Variants in CPEB3 observed in about 807,000 individuals in gnomAD.
The protein encoded by CPEB3 is cytoplasmic polyadenylation element-binding protein 3.
In CPEB3, 20 loss-of-function variants were observed where a neutral mutation model predicts 67.2. The ratio of observed to expected loss-of-function variants is 0.30; its 90% CI spans 0.21 to 0.43. CPEB3 has a LOEUF of 0.43. Ranked by LOEUF, CPEB3 falls within the 20% of genes least tolerant of loss-of-function variation. CPEB3 has a pLI of 1.00. For missense variants in CPEB3, 746 were observed against 968.6 expected, an observed-to-expected ratio of 0.77 and a Z score of 3.05; for synonymous variants, 376 against 393.1, an observed-to-expected ratio of 0.96 and a Z score of 0.51.
chr10:92,261,128 G>A (rs1442708013), intron 1 of CPEB3, among the ~76,000 whole-genome samples: 1 of 152,088 alleles, frequency 6.6e-6, no homozygotes, highest in African/African-American at 2.4e-5. Context: ...TGTCTACACA[G>A]GTAGCCCTTG....
At chr10:92,211,646 C>T (rs888524614) in intron 2 of CPEB3, among the ~76,000 whole-genome samples, 5 of 151,282 alleles carry the variant, frequency 3.3e-5, no homozygotes, top group Admixed American at 6.6e-5. Context: ...AAGCAATTCT[C>T]CTGCCTCAGC....
chr10:92,162,824 C>T (rs1343077819), intron 4 of CPEB3, among the ~76,000 whole-genome samples: 1 of 152,126 alleles, frequency 6.6e-6, no homozygotes, highest in Non-Finnish European at 1.5e-5. Flanking sequence ...AAGGGAAGGG[C>T]ATGTTATGCT....
intron 4 of CPEB3, among the ~76,000 whole-genome samples, chr10:92,168,520 T>C (rs1317426904): frequency 6.6e-6 from 1 of 152,182 alleles, no homozygotes; most frequent in Non-Finnish European, 1.5e-5. Flanking sequence ...TGAATTGTAG[T>C]TCCCATAATC....
chr10:92,215,196 G>A (rs1343321816), intron 2 of CPEB3, among the ~76,000 whole-genome samples: 4 of 147,212 alleles, frequency 2.7e-5, no homozygotes, highest in African/African-American at 5.0e-5. Flanking sequence ...TCTGTTGCCC[G>A]GGCTAGAGTG....
At chr10:92,289,900 T>C (rs1842761079) in intron 1 of CPEB3, among the ~76,000 whole-genome samples, 1 of 129,210 alleles carries the variant, frequency 7.7e-6, no homozygotes. Flanking sequence ...TTTCTTTCCC[T>C]AGGAGGAGTG....
At chr10:92,134,588 C>T (rs891997403) in intron 6 of CPEB3, among the ~76,000 whole-genome samples, 3 of 151,892 alleles carry the variant, frequency 2.0e-5, no homozygotes, top group Non-Finnish European at 4.4e-5. Flanking sequence ...GCCATACTGC[C>T]CAAGGTAATT....
intron 1 of CPEB3, among the ~76,000 whole-genome samples, chr10:92,252,831 G>A (rs1034805597): frequency 1.3e-5 from 2 of 151,952 alleles, no homozygotes; most frequent in African/African-American, 4.8e-5. Flanking sequence ...GACTCCAACT[G>A]TATAAAACAG....
intron 6 of CPEB3, among the ~76,000 whole-genome samples, chr10:92,132,623 A>T (rs1845896587): frequency 6.6e-6 from 1 of 152,196 alleles, no homozygotes; most frequent in African/African-American, 2.4e-5. Context: ...AAGAAGGTTA[A>T]CAAGGATATC....
intron 2 of CPEB3, among the ~76,000 whole-genome samples, chr10:92,231,320 A>G (rs917789403): frequency 6.6e-6 from 1 of 152,182 alleles, no homozygotes; most frequent in African/African-American, 2.4e-5. Context: ...ACTGAATATC[A>G]ACAATATTTC....
chr10:92,284,906 A>C (rs989726232), intron 1 of CPEB3, among the ~76,000 whole-genome samples: 7 of 152,250 alleles, frequency 4.6e-5, no homozygotes, highest in Non-Finnish European at 1.0e-4. Flanking sequence ...CGATTTAACC[A>C]GTTGTCTTCG....
At chr10:92,149,481 T>C (rs2133873809) in intron 4 of CPEB3, among the ~76,000 whole-genome samples, 1 of 152,296 alleles carries the variant, frequency 6.6e-6, no homozygotes, top group Middle Eastern at 3.4e-3. Context: ...TGGAAGACAT[T>C]CTGGCACAAA....
chr10:92,136,593 C>A (rs1846108100), intron 6 of CPEB3, among the ~76,000 whole-genome samples: 1 of 152,104 alleles, frequency 6.6e-6, no homozygotes, highest in African/African-American at 2.4e-5. Flanking sequence ...CGGAGTCTTG[C>A]TCTGTCACCC....
rs376700500 is a variant in CPEB3, at chr10:92,272,906, T to C, written c.-12+18020A>G. 7.2e-5 allele frequency among the ~76,000 whole-genome samples: 11 copies of C among 152,224 alleles called. No homozygotes were observed. In the South Asian group the frequency reaches 1.2e-3, roughly 17 times the overall value. Reference sequence around the variant, plus strand: ...GAGCAGAGTGGACTGGAGAGGCCAATTGCCAAATCAGTCGGAAAGAGGTGA... The same window carrying C: ...GAGCAGAGTGGACTGGAGAGGCCAACTGCCAAATCAGTCGGAAAGAGGTGA... On this transcript the variant is annotated intron_variant, in intron 1 of 9. Coordinates refer to ENST00000265997, the MANE Select transcript of CPEB3 (RefSeq NM_014912.5).
chr10:92,137,370 C>T (rs986553809), intron 6 of CPEB3: 1 of 1,090,292 alleles, frequency 9.2e-7, no homozygotes, highest in African/African-American at 1.6e-5. Flanking sequence ...ACCTGTCTCC[C>T]AAATACATCA....
rs545015552 is a variant in CPEB3, at chr10:92,113,750, G to A, written c.1454-2556C>T. Among the ~76,000 whole-genome samples the A allele has an allele frequency of 5.9e-5, 9 of 152,250 alleles. No individual in the cohort carries two copies. In the East Asian group the frequency reaches 1.3e-3, roughly 23 times the overall value. ...GACCTTGGGCATCCAAAGAAAAGGC[G>A]GTTGTCTCCCTATAGCAGCTGAGCA... On this transcript the variant is annotated intron_variant, in intron 6 of 9. Transcript: ENST00000265997.
chr10:92,282,551 G>T (rs1842344501), intron 1 of CPEB3, among the ~76,000 whole-genome samples: 1 of 152,094 alleles, frequency 6.6e-6, no homozygotes. Context: ...AGCCAGGTGT[G>T]GTGGCGCGTG....
At chr10:92,136,635 A>T (rs962739388) in intron 6 of CPEB3, among the ~76,000 whole-genome samples, 1 of 151,962 alleles carries the variant, frequency 6.6e-6, no homozygotes, top group African/African-American at 2.4e-5. Flanking sequence ...ATCTCGGCTC[A>T]CTGTAAACTC....
chr10:92,167,627 G>A (rs2133993440), intron 4 of CPEB3, among the ~76,000 whole-genome samples: 1 of 152,062 alleles, frequency 6.6e-6, no homozygotes, highest in South Asian at 2.1e-4. Context: ...TTACATCAAG[G>A]TGGGCACAGT....
chr10:92,153,822 A>G (rs1847077744), intron 4 of CPEB3, among the ~76,000 whole-genome samples: 1 of 152,190 alleles, frequency 6.6e-6, no homozygotes, highest in South Asian at 2.1e-4. Flanking sequence ...CATAGCCAAC[A>G]TGTCTACTTA....
Sources: gnomAD v4.1 joint callset for allele counts (sites outside exome capture counted in the v4.1 genomes callset) on GRCh38, gnomAD v4.1.1 for gene constraint, MANE v1.5 for transcripts, NCBI Gene and HGNC (gene_info 2026-07-23, HGNC 2026-07-21) for gene names.